Variants in PIP5K1A observed in about 807,000 individuals in gnomAD.
PIP5K1A encodes phosphatidylinositol 4-phosphate 5-kinase type-1 alpha.
In PIP5K1A, 46 loss-of-function variants were observed where a neutral mutation model predicts 72.9. The ratio of observed to expected loss-of-function variants is 0.63; its 90% CI spans 0.50 to 0.81. PIP5K1A has a LOEUF of 0.81. Among genes scored for constraint, PIP5K1A ranks in the 30% least tolerant of loss-of-function variants. The pLI, the probability that PIP5K1A is intolerant of heterozygous loss-of-function variation, is 0.00. For missense variants in PIP5K1A, 458 were observed against 706.1 expected (o/e 0.65, Z 3.98); for synonymous variants, 228 against 255.1 (o/e 0.89, Z 1.01).
intron 1 of PIP5K1A, among the ~76,000 whole-genome samples, chr1:151,207,149 C>T (rs1025904033): frequency 6.6e-6 from 1 of 152,148 alleles, no homozygotes; most frequent in Admixed American, 6.5e-5. Context: ...GGATTACAGG[C>T]GTGAGCCACC....
At chr1:151,220,799 A>G (rs587628437) in intron 1 of PIP5K1A, among the ~76,000 whole-genome samples, 2 of 152,216 alleles carry the variant, frequency 1.3e-5, no homozygotes, top group South Asian at 2.1e-4. Context: ...CATTTTGCCA[A>G]TCTTGCATCT....
At chr1:151,242,749 C>T (rs1250803340) in intron 14 of PIP5K1A, among the ~76,000 whole-genome samples, 182 bp downstream of exon 14, 1 of 151,998 alleles carries the variant, frequency 6.6e-6, no homozygotes, top group Non-Finnish European at 1.5e-5. Context: ...TCCTCTGGCT[C>T]AAGATTTCTC....
intron 1 of PIP5K1A, among the ~76,000 whole-genome samples, chr1:151,207,692 T>C (rs758713518): frequency 3.4e-4 from 52 of 151,712 alleles, no homozygotes; most frequent in Non-Finnish European, 6.2e-4. Flanking sequence ...CCACCACGCC[T>C]GGCTAATTTT....
In PIP5K1A at chr1:151,198,723, T is replaced by C. The variant is rs1450695443; in HGVS notation, c.-274T>C. 5.7e-6 allele frequency: 3 copies of C among 523,594 alleles called. No homozygotes were observed. The highest frequency in any genetic ancestry group is 1.0e-5 in the Non-Finnish European group (3 of 289,320). The allele number at this position is 523,594 out of a possible 1,614,324, so 32.4% of individuals were successfully genotyped here. A position where few individuals can be genotyped will look rare whatever the true frequency, so the allele number is the denominator to read the frequency against. On this transcript the variant is annotated 5_prime_UTR_variant, in exon 1 of 16. Transcript: ENST00000368888. ...GTCCCAGCAGCCAGCTTAAGCTTAC[T>C]CTTCTGTGAAAGGGGAAAGTATCCC...
intron 8 of PIP5K1A, among the ~76,000 whole-genome samples, chr1:151,235,935 A>G (rs1451117191): frequency 6.6e-6 from 1 of 151,868 alleles, no homozygotes; most frequent in African/African-American, 2.4e-5. Context: ...AGCCTGGCCA[A>G]CATGGTGAAA....
At position 151,242,581 on chromosome 1, in the gene PIP5K1A, C is replaced by G; in HGVS notation, c.1640+14C>G. Reference sequence around the variant, plus strand: ...GCTAACTACAAGGTTGGTTTATTGGCCCCTTTCTCCATATAATCTTATCTC... The same window carrying G: ...GCTAACTACAAGGTTGGTTTATTGGGCCCTTTCTCCATATAATCTTATCTC... On this transcript the variant is annotated intron_variant, in intron 14 of 15. Coordinates refer to ENST00000368888, the MANE Select transcript of PIP5K1A (RefSeq NM_001135638.2). 6.2e-7 allele frequency: 1 copy of G among 1,609,058 alleles called. No homozygotes were observed.
At chr1:151,205,845 C>G (rs1031339270) in intron 1 of PIP5K1A, among the ~76,000 whole-genome samples, 1 of 152,056 alleles carries the variant, frequency 6.6e-6, no homozygotes, top group Admixed American at 6.6e-5. Context: ...ATTTTTCTTT[C>G]TTCTTTTTAC....
chr1:151,244,730 T>A (rs1324671353), intron 14 of PIP5K1A, among the ~76,000 whole-genome samples: 1 of 152,184 alleles, frequency 6.6e-6, no homozygotes, highest in Non-Finnish European at 1.5e-5. Flanking sequence ...GCATTGTATA[T>A]AAGGGACTTG....
intron 3 of PIP5K1A, among the ~76,000 whole-genome samples, chr1:151,226,636 C>T (rs1172086730): frequency 6.6e-6 from 1 of 150,648 alleles, no homozygotes; most frequent in African/African-American, 2.4e-5. Context: ...TCGCTTGAAC[C>T]CGGGAGGTGG....
intron 12 of PIP5K1A, 185 bp downstream of exon 12, chr1:151,240,224 G>T (rs1369533636): frequency 3.5e-6 from 2 of 574,044 alleles, no homozygotes; most frequent in Non-Finnish European, 6.1e-6. Context: ...CCAAGTTGCT[G>T]TTTCCCCCTT....
chr1:151,211,000 C>G (rs368844251), intron 1 of PIP5K1A, among the ~76,000 whole-genome samples: 7 of 152,170 alleles, frequency 4.6e-5, no homozygotes, highest in African/African-American at 1.7e-4. Context: ...GCATATCTGG[C>G]TAGCCTTTAG....
chr1:151,199,712 ACTT>A (rs1241364888), intron 1 of PIP5K1A, among the ~76,000 whole-genome samples: 1 of 152,040 alleles, frequency 6.6e-6, no homozygotes, highest in South Asian at 2.1e-4. Context: ...AGAGAGAACT[ACTT>A]AGTGTGAGAG....
intron 8 of PIP5K1A, 124 bp from the exon 9 acceptor site, chr1:151,236,433 AC>A (rs1690870656): frequency 6.3e-6 from 4 of 638,816 alleles, no homozygotes; most frequent in African/African-American, 5.5e-5. Flanking sequence ...CCGAGATCAC[AC>A]CACTGCACTC....
rs1016613156 is a variant in PIP5K1A at position 151,206,720 on chromosome 1, C to G, written c.85+7639C>G. Among the ~76,000 whole-genome samples the G allele has an allele frequency of 2.0e-5, 3 of 152,282 alleles. No homozygotes were observed. In the East Asian group the frequency reaches 5.8e-4, roughly 29 times the overall value. On this transcript the variant is annotated intron_variant, in intron 1 of 15. Coordinates refer to ENST00000368888, the MANE Select transcript of PIP5K1A (RefSeq NM_001135638.2). The stretch of plus-strand genomic sequence containing the variant: ...AGCTGGGACTACAGGCACGTGCCAC[C>G]ACATCCGGCTAATTTTTGTACTTTC...
At chr1:151,196,122 C>T (rs1684549155), upstream of PIP5K1A, among the ~76,000 whole-genome samples, 1 of 151,932 alleles carries the variant, frequency 6.6e-6, no homozygotes, top group Non-Finnish European at 1.5e-5. Context: ...TGGTCTCGAT[C>T]TCCTGACCTC....
chr1:151,195,884 ATTTTTTTTTTTTT>A (rs1157195462), upstream of PIP5K1A, among the ~76,000 whole-genome samples: 1 of 62,294 alleles, frequency 1.6e-5, no homozygotes, highest in East Asian at 5.9e-4. Flanking sequence ...ACACCAGCCG[ATTTTTTTTTTTTT>A]TTTTTTTTTT....
intron 1 of PIP5K1A, among the ~76,000 whole-genome samples, chr1:151,222,045 C>T (rs901841741): frequency 2.0e-5 from 3 of 152,162 alleles, no homozygotes; most frequent in African/African-American, 7.2e-5. Context: ...AGAGATTGCA[C>T]CACTGCACTC....
intron 1 of PIP5K1A, among the ~76,000 whole-genome samples, chr1:151,214,501 A>C (rs757102945): frequency 1.3e-5 from 2 of 151,464 alleles, no homozygotes; most frequent in Non-Finnish European, 2.9e-5. Context: ...GTGCCTCAGC[A>C]TCCCTAGTAG....
chr1:151,201,640 C>T (rs1310833941), intron 1 of PIP5K1A, among the ~76,000 whole-genome samples: 9 of 151,970 alleles, frequency 5.9e-5, no homozygotes, highest in Admixed American at 5.2e-4. Context: ...ACAGGCATAT[C>T]GCAAGGTCAG....
Sources: allele counts gnomAD v4.1 joint callset (sites outside exome capture counted in the v4.1 genomes callset), GRCh38; gene constraint gnomAD v4.1.1; transcripts MANE v1.5; gene names NCBI Gene and HGNC (gene_info 2026-07-23, HGNC 2026-07-21).